HEATR5B: variants seen among roughly 807,000 people sequenced by gnomAD.
HEATR5B encodes HEAT repeat containing 5B.
HEATR5B carries 156 observed loss-of-function variants against 224.1 expected under a neutral mutation model. That is an observed-to-expected ratio of 0.70 (90% CI 0.61 to 0.80). The LOEUF is 0.80. Among genes scored for constraint, HEATR5B ranks in the 30% least tolerant of loss-of-function variants. The pLI is 0.00. For missense variants in HEATR5B, 2,323 were observed against 2,535.5 expected (o/e 0.92, Z 1.80); for synonymous variants, 1,027 against 893.0 (o/e 1.15, Z -2.68).
chr2:37,016,066 G>A (rs962263448), intron 26 of HEATR5B, among the ~76,000 whole-genome samples: 2 of 151,222 alleles, frequency 1.3e-5, no homozygotes, highest in African/African-American at 2.4e-5. Context: ...GGAAGGGGTG[G>A]TCTCAGAGTG....
At chr2:36,982,466 AT>A (rs929220971) in intron 35 of HEATR5B, among the ~76,000 whole-genome samples, 3 of 152,076 alleles carry the variant, frequency 2.0e-5, no homozygotes, top group Non-Finnish European at 4.4e-5. Context: ...ATTAAAGGTG[AT>A]TTTTTTTAAC....
intron 24 of HEATR5B, among the ~76,000 whole-genome samples, chr2:37,027,095 C>T (rs1302433373): frequency 6.6e-6 from 1 of 152,222 alleles, no homozygotes; most frequent in African/African-American, 2.4e-5. Context: ...TGAGCCACCG[C>T]ACCCAGCCTG....
intron 9 of HEATR5B, 69 bp from the exon 10 acceptor site, chr2:37,065,059 C>T: frequency 6.8e-7 from 1 of 1,463,492 alleles, no homozygotes; most frequent in Non-Finnish European, 9.4e-7. Flanking sequence ...CAAATACTAT[C>T]TAAAAAACAA....
chr2:37,053,579 A>C lies in HEATR5B; in HGVS notation c.2428T>G (p.Cys810Gly). 6.2e-7 allele frequency: 1 copy of C among 1,606,068 alleles called. No homozygotes were observed. Among genetic ancestry groups the C allele is most frequent in the Non-Finnish European group, 8.5e-7 (1 of 1,174,172 alleles). Residue 810 changes from cysteine to glycine, a missense_variant, in exon 17 of 36, where the codon TGT (cysteine) becomes GGT (glycine). By Grantham distance (159) the Cys-to-Gly change is radical. This residue lies in a region of HEATR5B where 170 missense variants were observed against 216.7 expected (regional missense o/e 0.78). Transcript: ENST00000233099. ...CGGACACCTTTAGCTTGTTTAACAC[A>C]TTCAGCAAAGTGATCCAACATTTGT... ...RLQMLDHFAE[C>G]VKQAKGVRQQ...
At chr2:37,015,487 T>C (rs1668056090) in intron 26 of HEATR5B, among the ~76,000 whole-genome samples, 1 of 152,210 alleles carries the variant, frequency 6.6e-6, no homozygotes, top group Admixed American at 6.5e-5. Flanking sequence ...GACAGACTTG[T>C]AGTTAGAAAT....
intron 17 of HEATR5B, among the ~76,000 whole-genome samples, chr2:37,051,387 T>C (rs542631378): frequency 7.6e-6 from 1 of 132,236 alleles, no homozygotes; most frequent in Non-Finnish European, 1.6e-5. Context: ...AAGGTAAAAA[T>C]AGTAATTAGT....
chr2:37,061,425 G>A (rs572559261), intron 11 of HEATR5B, among the ~76,000 whole-genome samples: 7 of 152,244 alleles, frequency 4.6e-5, no homozygotes, highest in African/African-American at 1.7e-4. Context: ...TTTTACAGCA[G>A]CAGCTAAACA....
intron 20 of HEATR5B, 103 bp downstream of exon 20, chr2:37,040,226 T>C (rs1669787156): frequency 1.1e-5 from 10 of 932,568 alleles, no homozygotes; most frequent in Non-Finnish European, 1.5e-5. Flanking sequence ...TACATAGTAA[T>C]TGTTATTACA....
At chr2:36,988,939 A>G in intron 34 of HEATR5B, 80 bp from the exon 35 acceptor site, 1 of 1,045,548 alleles carries the variant, frequency 9.6e-7, no homozygotes, top group Non-Finnish European at 1.4e-6. Flanking sequence ...CTTACTATGT[A>G]CTGAAAATAA....
intron 31 of HEATR5B, among the ~76,000 whole-genome samples, chr2:37,003,003 A>C (rs934111449): frequency 1.3e-5 from 2 of 152,072 alleles, no homozygotes; most frequent in Non-Finnish European, 2.9e-5. Flanking sequence ...TCAAACGTGT[A>C]ATCTCAGCAC....
At chr2:36,991,586 T>C (rs765392925) in intron 33 of HEATR5B, among the ~76,000 whole-genome samples, 3 of 151,348 alleles carry the variant, frequency 2.0e-5, no homozygotes, top group African/African-American at 4.9e-5. Context: ...TATTCAGGAA[T>C]AGATACAACT....
chr2:36,992,578 C>G (rs1190615299), intron 33 of HEATR5B, among the ~76,000 whole-genome samples: 1 of 151,984 alleles, frequency 6.6e-6, no homozygotes, highest in Admixed American at 6.6e-5. Context: ...GAGACCCTGT[C>G]TCAAAAACAA....
chr2:37,037,982 A>C lies in HEATR5B; in HGVS notation c.3089T>G (p.Val1030Gly), dbSNP rs1434532399. ...ATGGTCTTGTGTTATTGCACAACCC[A>C]CCAAACAAGAGGAACGAATTGTAGA... Reference protein sequence around the residue: ...TTSTIRSSCLVGCAITQDHSD... With the variant: ...TTSTIRSSCLGGCAITQDHSD... Residue 1030 changes from valine to glycine, a missense_variant, in exon 21 of 36, where the codon GTG becomes GGG. Coordinates refer to ENST00000233099, the MANE Select transcript of HEATR5B (RefSeq NM_019024.3). 6.3e-7 allele frequency: 1 copy of C among 1,588,044 alleles called. No individual in the cohort carries two copies. Among genetic ancestry groups the C allele is most frequent in the Non-Finnish European group, 8.6e-7 (1 of 1,164,436 alleles).
rs749151267 is a variant in HEATR5B, at chr2:36,990,702, T to C, written c.5643A>G (p.Leu1881=). The C allele has an allele frequency of 8.1e-6, 13 of 1,611,308 alleles. No homozygotes were observed. Among genetic ancestry groups the C allele is most frequent in the Non-Finnish European group, 1.1e-5 (13 of 1,178,778 alleles). The change falls in exon 34 of 36, where the codon TTA becomes TTG. Residue 1881 remains leucine, a synonymous_variant. Coordinates refer to ENST00000233099, the MANE Select transcript of HEATR5B (RefSeq NM_019024.3). ...TAAATCTGTTCATGCAGCCATTCTGTAATGACTGGACTCCTATTATTTCAT... is the reference window on the plus strand; with the variant it reads ...TAAATCTGTTCATGCAGCCATTCTGCAATGACTGGACTCCTATTATTTCAT... ...ASNEIIGVQS[L]QNGCMNRFKN...
At chr2:36,999,411 C>A (rs1314818341) in intron 33 of HEATR5B, among the ~76,000 whole-genome samples, 4 of 151,836 alleles carry the variant, frequency 2.6e-5, no homozygotes, top group Non-Finnish European at 4.4e-5. Flanking sequence ...GGCACAGTGG[C>A]TCATGCCTGT....
Position 37,000,570 on chromosome 2 carries a change from A to C in HEATR5B, c.5545+16T>G. The stretch of plus-strand genomic sequence containing the variant: ...CATATCCTAACTAACTAAAACGTTT[A>C]AAACTGATAGGTTACCTGGTTGAGA... On this transcript the variant is annotated intron_variant, in intron 33 of 35. Transcript: ENST00000233099. 6.2e-7 allele frequency: 1 copy of C among 1,607,150 alleles called. No individual in the cohort carries two copies. The highest frequency in any genetic ancestry group is 1.1e-5 in the South Asian group (1 of 90,932).
chr2:37,068,151 T>TATTTATTA (rs1177692716), intron 8 of HEATR5B, among the ~76,000 whole-genome samples: 2 of 152,176 alleles, frequency 1.3e-5, no homozygotes, highest in African/African-American at 2.4e-5. Context: ...TCTGCAAATC[T>TATTTATTA]AAGACAATAA....
At position 36,981,572 on chromosome 2, in the gene HEATR5B, C is replaced by T. The variant is rs1359365574; in HGVS notation, c.6134G>A (p.Ser2045Asn). Residue 2045 changes from serine to asparagine, a missense_variant, in exon 36 of 36, where the codon AGC becomes AAC. By Grantham distance (46) the Ser-to-Asn change is conservative (BLOSUM62 1). This residue lies in a region of HEATR5B where 844 missense variants were observed against 812.9 expected (regional missense o/e 1.04). Transcript: ENST00000233099. ...TTGTCTGGCAGCCGCTTTAGCTTTG[C>T]TCGCTTGGCTTGCTCGAACGGCAGT... ...LETAVRASQA[S>N]KAKAAARQPA... 1.2e-6 allele frequency: 2 copies of T among 1,614,228 alleles called. No homozygotes were observed. The highest frequency in any genetic ancestry group is 1.1e-5 in the South Asian group (1 of 91,086).
intron 17 of HEATR5B, among the ~76,000 whole-genome samples, chr2:37,052,719 C>T (rs187816569): frequency 6.6e-6 from 1 of 152,200 alleles, no homozygotes; most frequent in Non-Finnish European, 1.5e-5. Flanking sequence ...TGCTGCCACA[C>T]TGCAGCAGCC....
Sources: allele counts gnomAD v4.1 joint callset (sites outside exome capture counted in the v4.1 genomes callset), GRCh38; gene constraint gnomAD v4.1.1; regional missense constraint gnomAD v4.1.1; transcripts MANE v1.5; gene names NCBI Gene and HGNC (gene_info 2026-07-23, HGNC 2026-07-21).